The following RPS6KC1 variants were observed in gnomAD, a reference collection of about 807,000 sequenced individuals.
RPS6KC1 encodes inactive ribosomal protein S6 kinase delta-1.
RPS6KC1 carries 54 observed loss-of-function variants against 103.8 expected under a neutral mutation model. The ratio of observed to expected loss-of-function variants is 0.52; its 90% CI spans 0.42 to 0.65. The LOEUF (loss-of-function observed/expected upper bound fraction) is 0.65, where lower values mean the gene tolerates loss of function less well. Ranked by LOEUF, RPS6KC1 falls within the 30% of genes least tolerant of loss-of-function variation. The pLI, the probability that RPS6KC1 is intolerant of heterozygous loss-of-function variation, is 0.00. For synonymous variants in RPS6KC1, 439 were observed against 438.7 expected (o/e 1.00, Z -0.01); for missense variants, 1,151 against 1,253.8 (o/e 0.92, Z 1.24).
the RPS6KC1 span, among the ~76,000 whole-genome samples, chr1:213,837,707 G>A: frequency 6.6e-6 from 1 of 152,126 alleles, no homozygotes; most frequent in Admixed American, 6.5e-5. Context: ...ATGCACATGT[G>A]CAAATGGGAC....
the RPS6KC1 span, among the ~76,000 whole-genome samples, chr1:213,839,286 CA>C: frequency 6.6e-6 from 1 of 152,182 alleles, no homozygotes; most frequent in Non-Finnish European, 1.5e-5. Context: ...GTTTCCCTGT[CA>C]AAACTTTAAG....
chr1:213,322,671 C>T, the RPS6KC1 span, among the ~76,000 whole-genome samples: 1 of 152,166 alleles, frequency 6.6e-6, no homozygotes, highest in East Asian at 1.9e-4. Flanking sequence ...ATTTTCTAGA[C>T]TTTTCCACTT....
the RPS6KC1 span, among the ~76,000 whole-genome samples, chr1:213,788,864 T>C: frequency 9.3e-5 from 14 of 151,058 alleles, no homozygotes; most frequent in African/African-American, 3.5e-4. Context: ...CTACTCTCTA[T>C]ATAAGACATA....
At chr1:213,837,392 G>A in the RPS6KC1 span, 2 of 152,256 alleles carry the variant, frequency 1.3e-5, no homozygotes, top group East Asian at 3.9e-4. Flanking sequence ...GCAGCTCTTA[G>A]TGGACTAATA....
At chr1:213,817,934 C>G in the RPS6KC1 span, 1 of 152,032 alleles carries the variant, frequency 6.6e-6, no homozygotes, top group Non-Finnish European at 1.5e-5. Context: ...CTCACAATAT[C>G]TCAAACTTTT....
At chr1:213,347,135 A>G in the RPS6KC1 span, among the ~76,000 whole-genome samples, 11 of 152,234 alleles carry the variant, frequency 7.2e-5, no homozygotes, top group Admixed American at 7.2e-4. Context: ...TTAATCCTCC[A>G]AGACCTTTCC....
intron 8 of RPS6KC1, chr1:213,205,127 G>C (rs753902107): frequency 6.4e-5 from 20 of 314,456 alleles, no homozygotes; most frequent in Non-Finnish European, 8.8e-5. Context: ...GAATTGTGTT[G>C]TATACCTTGC....
At chr1:213,713,165 A>T in the RPS6KC1 span, among the ~76,000 whole-genome samples, 3 of 151,510 alleles carry the variant, frequency 2.0e-5, no homozygotes, top group African/African-American at 7.3e-5. Flanking sequence ...TTTATTTTGT[A>T]TTTTTCTTCT....
At chr1:213,672,389 C>T in the RPS6KC1 span, among the ~76,000 whole-genome samples, 3 of 151,902 alleles carry the variant, frequency 2.0e-5, no homozygotes, top group Admixed American at 1.3e-4. Context: ...GCCTTCACTG[C>T]TCTACTGAAA....
the RPS6KC1 span, among the ~76,000 whole-genome samples, chr1:213,532,695 A>T: frequency 9.8e-5 from 15 of 152,308 alleles, no homozygotes; most frequent in South Asian, 3.1e-3. Flanking sequence ...AACACAAGTG[A>T]GCAGTTATCT....
At chr1:213,637,269 C>A in the RPS6KC1 span, among the ~76,000 whole-genome samples, 2 of 151,374 alleles carry the variant, frequency 1.3e-5, no homozygotes, top group African/African-American at 4.9e-5. Context: ...TGGGTGTATA[C>A]CCAAAGGATT....
intron 3 of RPS6KC1, among the ~76,000 whole-genome samples, chr1:213,087,137 A>G (rs1303769776): frequency 6.6e-6 from 1 of 152,192 alleles, no homozygotes; most frequent in Non-Finnish European, 1.5e-5. Flanking sequence ...ATGGACTTAT[A>G]AGATCACTTG....
the RPS6KC1 span, among the ~76,000 whole-genome samples, chr1:213,719,461 A>G: frequency 6.6e-6 from 1 of 152,210 alleles, no homozygotes; most frequent in African/African-American, 2.4e-5. Context: ...TATGTGTTAC[A>G]TTGTGACCTG....
At chr1:213,526,043 C>T in the RPS6KC1 span, among the ~76,000 whole-genome samples, 1 of 152,022 alleles carries the variant, frequency 6.6e-6, no homozygotes, top group African/African-American at 2.4e-5. Flanking sequence ...GATAATATGG[C>T]ATGCTTGATT....
chr1:213,177,603 A>G (rs1170720369), intron 8 of RPS6KC1, among the ~76,000 whole-genome samples: 1 of 152,216 alleles, frequency 6.6e-6, no homozygotes, highest in East Asian at 1.9e-4. Context: ...TTGAACTTAA[A>G]AAATTCTAAG....
At chr1:213,406,876 A>G in the RPS6KC1 span, among the ~76,000 whole-genome samples, 2 of 152,146 alleles carry the variant, frequency 1.3e-5, no homozygotes, top group Non-Finnish European at 2.9e-5. Flanking sequence ...CTGAGAGGGC[A>G]TGATTATCGT....
At chr1:213,277,964 G>A (rs2095115276), downstream of RPS6KC1, among the ~76,000 whole-genome samples, 1 of 152,174 alleles carries the variant, frequency 6.6e-6, no homozygotes, top group Admixed American at 6.5e-5. Flanking sequence ...AGCACTTTGA[G>A]AGGCCAAGGC....
the RPS6KC1 span, among the ~76,000 whole-genome samples, chr1:213,542,835 G>A: frequency 6.6e-6 from 1 of 152,208 alleles, no homozygotes; most frequent in Non-Finnish European, 1.5e-5. Flanking sequence ...GTGCCAGCAT[G>A]AACAGGCAGT....
At chr1:213,205,464 C>A in intron 8 of RPS6KC1, 1 of 726,890 alleles carries the variant, frequency 1.4e-6, no homozygotes, top group African/African-American at 2.0e-5. Context: ...GCTTTAAGAA[C>A]GACCAAGAAC....
Sources: allele counts gnomAD v4.1 joint callset (sites outside exome capture counted in the v4.1 genomes callset), GRCh38; gene constraint gnomAD v4.1.1; transcripts MANE v1.5; gene names NCBI Gene and HGNC (gene_info 2026-07-23, HGNC 2026-07-21).